The following PDE10A variants were observed in gnomAD, a reference collection of about 807,000 sequenced individuals.
The protein encoded by PDE10A is phosphodiesterase 10A.
PDE10A carries 39 observed loss-of-function variants against 97.7 expected under a neutral mutation model. That is an observed-to-expected ratio of 0.40 (90% CI 0.31 to 0.52). The LOEUF (loss-of-function observed/expected upper bound fraction) is 0.52. PDE10A is among the 20% of genes least tolerant of loss of function. The pLI is 0.56. For synonymous variants in PDE10A, 371 were observed against 376.8 expected (o/e 0.98, Z 0.18); for missense variants, 731 against 1,047.8 (o/e 0.70, Z 4.17).
rs34272357 is a variant in PDE10A, at chr6:165,604,518, T to TAAAAAAAAAAAAAAA, written c.865+57414_865+57428dup. On this transcript the variant is annotated intron_variant, in intron 1 of 21. Transcript: ENST00000539869. ...ACAAGACTGCACTTACTCTCTTTGT[T>TAAAAAAAAAAAAAAA]AAAAAAAAAAAAAAAAAGTGTTACT... Among the ~76,000 whole-genome samples, 28 of 137,780 alleles carry TAAAAAAAAAAAAAAA rather than the reference T, an allele frequency of 2.0e-4. 1 individual carries two copies. The highest frequency in any genetic ancestry group is 7.3e-4 in the African/African-American group (27 of 36,814). 90.4% of individuals were successfully genotyped at this position (137,780 alleles called of 152,430 possible).
chr6:165,862,922 T>TGCCC (rs1780947202), intron 1 of PDE10A, among the ~76,000 whole-genome samples: 3 of 152,208 alleles, frequency 2.0e-5, no homozygotes, highest in Non-Finnish European at 2.9e-5. Flanking sequence ...TCAAGTGATC[T>TGCCC]GCCCGCCTTT....
intron 1 of PDE10A, among the ~76,000 whole-genome samples, chr6:165,976,712 G>A (rs896231531): frequency 1.3e-5 from 2 of 152,162 alleles, no homozygotes; most frequent in Admixed American, 6.5e-5. Context: ...CAAGAATTTG[G>A]TAAACTTGAC....
intron 1 of PDE10A, among the ~76,000 whole-genome samples, chr6:165,565,570 TG>T (rs1784735591): frequency 6.6e-6 from 1 of 152,170 alleles, no homozygotes; most frequent in Non-Finnish European, 1.5e-5. Context: ...TTGTGGTTAC[TG>T]GAAAACTGAT....
intron 10 of PDE10A, among the ~76,000 whole-genome samples, chr6:165,421,297 G>T (rs955117726): frequency 1.5e-4 from 23 of 151,962 alleles, no homozygotes; most frequent in African/African-American, 5.3e-4. Flanking sequence ...ATAAAAATTA[G>T]TCAGGCATGG....
intron 1 of PDE10A, among the ~76,000 whole-genome samples, chr6:165,733,072 T>C (rs906586486): frequency 1.3e-5 from 2 of 152,180 alleles, no homozygotes; most frequent in African/African-American, 2.4e-5. Context: ...CCTGCATTCT[T>C]CCAGAAACGG....
chr6:165,839,143 A>G (rs1169464570), intron 1 of PDE10A, among the ~76,000 whole-genome samples: 2 of 152,212 alleles, frequency 1.3e-5, no homozygotes, highest in Admixed American at 6.5e-5. Context: ...TAACTTACTA[A>G]TGTGACCCTG....
chr6:165,518,092 C>A (rs12661723), intron 2 of PDE10A, among the ~76,000 whole-genome samples: 1 of 152,042 alleles, frequency 6.6e-6, no homozygotes, highest in Non-Finnish European at 1.5e-5. Flanking sequence ...AAAGCCTGAA[C>A]AAAATATTTT....
intron 1 of PDE10A, among the ~76,000 whole-genome samples, chr6:165,621,771 A>AAAAGAAGAAGAAG (rs1554297072): frequency 7.4e-6 from 1 of 134,688 alleles, no homozygotes; most frequent in Non-Finnish European, 1.7e-5. Context: ...AAGAAAAAAA[A>AAAAGAAGAAGAAG]AAGAAGAAGA....
At chr6:165,944,646 C>A (rs970416641) in intron 1 of PDE10A, among the ~76,000 whole-genome samples, 5 of 152,164 alleles carry the variant, frequency 3.3e-5, no homozygotes, top group African/African-American at 1.2e-4. Flanking sequence ...TTCCCATAAG[C>A]CCTGCAGTTT....
In PDE10A at chr6:165,858,202, G is replaced by C. The variant is rs557466172; in HGVS notation, c.-615+129327C>G. ...TCATTCATTCACTGGTATTTTTAGG[G>C]GGGAGTTATAAACACACATAAAAAG... is the stretch of plus-strand genomic sequence containing the variant. On this transcript the variant is annotated intron_variant, in intron 1 of 19. Coordinates refer to the PDE10A transcript ENST00000366882. 3.9e-5 allele frequency among the ~76,000 whole-genome samples: 6 copies of C among 152,166 alleles called. No homozygotes were observed. The South Asian group carries it at 1.2e-3, about 32-fold the overall frequency.
chr6:165,823,524 A>ATATATATATGTG (rs72442429), intron 1 of PDE10A, among the ~76,000 whole-genome samples: 2 of 79,484 alleles, frequency 2.5e-5, no homozygotes, highest in East Asian at 2.9e-4. Context: ...ATATATATAT[A>ATATATATATGTG]TGAACCTTAA....
In PDE10A at chr6:165,603,550, T is replaced by C. The variant is rs1040110839; in HGVS notation, c.865+58397A>G. On this transcript the variant is annotated intron_variant, in intron 1 of 21. Coordinates refer to ENST00000539869, the MANE Select transcript of PDE10A (RefSeq NM_001385079.1). The stretch of plus-strand genomic sequence containing the variant: ...TCCCGAAAGCATTCGGTTCTTAAGA[T>C]ACACTGTTATTTCCTGAGGTACCTT... 3.9e-5 allele frequency among the ~76,000 whole-genome samples: 6 copies of C among 152,226 alleles called. 1 individual carries two copies. Among genetic ancestry groups the C allele is most frequent in the Admixed American group, 6.5e-5 (1 of 15,292 alleles).
At position 165,721,190 on chromosome 6, in the gene PDE10A, C is replaced by T. The variant is rs935800953; in HGVS notation, c.-614-177622G>A. Among the ~76,000 whole-genome samples, 7 of 152,202 alleles carry T rather than the reference C, an allele frequency of 4.6e-5. No homozygotes were observed. In the East Asian group the frequency reaches 1.2e-3, roughly 25 times the overall value. ...CAGTGTGGGGAGTAAAACCAGGCCA[C>T]GGGGTGTGGCACAGGGTTTTCTTGA... is the stretch of plus-strand genomic sequence containing the variant. On this transcript the variant is annotated intron_variant, in intron 1 of 19. Transcript: ENST00000366882.
At position 165,509,132 on chromosome 6, in the gene PDE10A, G is replaced by A. The variant is rs536754064; in HGVS notation, c.995-26789C>T. The stretch of plus-strand genomic sequence containing the variant: ...ACTTCACTCTTTATTTTTTATTGTT[G>A]TCTTTTATTGATATATATTATTTTC... On this transcript the variant is annotated intron_variant, in intron 2 of 21. Transcript: ENST00000539869. Among the ~76,000 whole-genome samples the A allele has an allele frequency of 1.8e-3, 270 of 151,870 alleles. 2 individuals carry two copies. The highest frequency in any genetic ancestry group is 6.3e-3 in the African/African-American group (262 of 41,428).
chr6:165,450,587 G>T (rs1293335873), intron 3 of PDE10A, among the ~76,000 whole-genome samples: 1 of 151,806 alleles, frequency 6.6e-6, no homozygotes, highest in East Asian at 1.9e-4. Context: ...TTGAGACAGG[G>T]TCTGTCTCTG....
At chr6:165,644,728 TAGAAC>T in intron 1 of PDE10A, among the ~76,000 whole-genome samples, 1 of 152,290 alleles carries the variant, frequency 6.6e-6, no homozygotes, top group East Asian at 1.9e-4. Context: ...ATGACTGTCT[TAGAAC>T]AGGGGTAGCC....
chr6:165,691,591 GCACACACACACACA>G (rs965998795), intron 1 of PDE10A, among the ~76,000 whole-genome samples: 3 of 51,586 alleles, frequency 5.8e-5, no homozygotes, highest in African/African-American at 8.5e-5. Context: ...GCACGCGCGC[GCACACACACACACA>G]CACACACACA....
At chr6:165,471,115 A>G (rs1778975309) in intron 3 of PDE10A, among the ~76,000 whole-genome samples, 1 of 152,134 alleles carries the variant, frequency 6.6e-6, no homozygotes, top group Non-Finnish European at 1.5e-5. Flanking sequence ...TGCCAAACCC[A>G]AAGGTCAGCT....
At chr6:165,498,423 C>CAAAAAAAAAAAAAAAAAAAA (rs35069498) in intron 2 of PDE10A, among the ~76,000 whole-genome samples, 9 of 22,886 alleles carry the variant, frequency 3.9e-4, no homozygotes, top group Non-Finnish European at 6.4e-4. Context: ...ACCCTGTCTC[C>CAAAAAAAAAAAAAAAAAAAA]AAAAAAAAAA....
Sources: gnomAD v4.1 joint callset for allele counts (sites outside exome capture counted in the v4.1 genomes callset) on GRCh38, gnomAD v4.1.1 for gene constraint, MANE v1.5 for transcripts, NCBI Gene and HGNC (gene_info 2026-07-23, HGNC 2026-07-21) for gene names.